The following CSMD1 variants were observed in gnomAD, a reference collection of about 807,000 sequenced individuals.
CSMD1 encodes the protein CUB and sushi domain-containing protein 1.
Under a neutral mutation model 417.5 loss-of-function variants are expected in CSMD1, and 213 were observed. The ratio of observed to expected loss-of-function variants is 0.51; its 90% CI spans 0.46 to 0.57. The LOEUF (loss-of-function observed/expected upper bound fraction) is 0.57. Ranked by LOEUF, CSMD1 falls within the 20% of genes least tolerant of loss-of-function variation. The pLI, the probability that CSMD1 is intolerant of heterozygous loss-of-function variation, is 0.00. For synonymous variants in CSMD1, 2,862 were observed against 1,736.8 expected, an observed-to-expected ratio of 1.65 and a Z score of -16.11; for missense variants, 6,923 against 4,529.7, an observed-to-expected ratio of 1.53 and a Z score of -15.17.
intron 1 of CSMD1, among the ~76,000 whole-genome samples, chr8:4,866,696 T>G (rs1802438638): frequency 1.3e-5 from 2 of 151,904 alleles, no homozygotes; most frequent in Non-Finnish European, 2.9e-5. Flanking sequence ...AAATAAAAAA[T>G]AAGATACTAA....
intron 2 of CSMD1, among the ~76,000 whole-genome samples, chr8:4,471,197 G>C (rs1800510680): frequency 6.6e-6 from 1 of 151,996 alleles, no homozygotes; most frequent in African/African-American, 2.4e-5. Flanking sequence ...ACATTATTAT[G>C]GAAAAACAAT....
intron 5 of CSMD1, among the ~76,000 whole-genome samples, chr8:3,962,166 C>T (rs1812374298): frequency 6.6e-6 from 1 of 152,108 alleles, no homozygotes; most frequent in African/African-American, 2.4e-5. Context: ...CATAGACCTG[C>T]TCTGCTGAGG....
intron 7 of CSMD1, among the ~76,000 whole-genome samples, chr8:3,680,233 T>C (rs184277904): frequency 6.6e-6 from 1 of 152,076 alleles, no homozygotes; most frequent in African/African-American, 2.4e-5. Context: ...CTTCAAAAAA[T>C]CGATGAATCC....
At chr8:3,582,494 T>C (rs1178130363) in intron 9 of CSMD1, among the ~76,000 whole-genome samples, 1 of 152,174 alleles carries the variant, frequency 6.6e-6, no homozygotes, top group Admixed American at 6.5e-5. Flanking sequence ...ACTGGGCTCA[T>C]TTCTCCTCTT....
At chr8:3,309,295 A>G (rs1260356290) in intron 23 of CSMD1, among the ~76,000 whole-genome samples, 2 of 151,958 alleles carry the variant, frequency 1.3e-5, no homozygotes, top group Non-Finnish European at 2.9e-5. Flanking sequence ...ACTTCTTCCA[A>G]ACTCCAAGAT....
chr8:4,122,379 T>G (rs369537392), intron 3 of CSMD1, among the ~76,000 whole-genome samples: 4 of 152,306 alleles, frequency 2.6e-5, no homozygotes, highest in Admixed American at 2.0e-4. Context: ...GCCAACAATT[T>G]GCCAGGCTGT....
chr8:3,509,203 G>A (rs191552059), intron 10 of CSMD1, among the ~76,000 whole-genome samples: 1 of 152,038 alleles, frequency 6.6e-6, no homozygotes, highest in African/African-American at 2.4e-5. Context: ...CGGAAATCTG[G>A]GCAATTAGAG....
At chr8:4,244,667 T>A (rs1802596581) in intron 3 of CSMD1, among the ~76,000 whole-genome samples, 1 of 152,108 alleles carries the variant, frequency 6.6e-6, no homozygotes, top group African/African-American at 2.4e-5. Flanking sequence ...ACATGACAGA[T>A]TTAAATTGTG....
chr8:2,987,815 C>T (rs1806056853), intron 54 of CSMD1, among the ~76,000 whole-genome samples: 1 of 152,192 alleles, frequency 6.6e-6, no homozygotes, highest in African/African-American at 2.4e-5. Context: ...TCACACCAAC[C>T]TCCTGCTCTT....
chr8:4,601,780 A>C (rs753006801), intron 2 of CSMD1, among the ~76,000 whole-genome samples: 1 of 152,156 alleles, frequency 6.6e-6, no homozygotes, highest in Non-Finnish European at 1.5e-5. Flanking sequence ...CTTTGACCAA[A>C]TGAAAAGTGA....
intron 1 of CSMD1, among the ~76,000 whole-genome samples, chr8:4,774,612 G>A (rs1031281735): frequency 6.6e-6 from 1 of 152,158 alleles, no homozygotes; most frequent in Non-Finnish European, 1.5e-5. Flanking sequence ...AACTGATGTG[G>A]TTTGGATCCA....
chr8:3,041,206 A>C (rs991398340), intron 50 of CSMD1, among the ~76,000 whole-genome samples: 1 of 152,218 alleles, frequency 6.6e-6, no homozygotes, highest in African/African-American at 2.4e-5. Context: ...GGTTAAAGCA[A>C]ATAATTTAGA....
At chr8:3,245,331 G>A (rs1018851676) in intron 26 of CSMD1, among the ~76,000 whole-genome samples, 37 of 152,266 alleles carry the variant, frequency 2.4e-4, no homozygotes, top group African/African-American at 8.4e-4. Context: ...AGGAGCCTGT[G>A]TAAGGGCATT....
At position 3,749,107 on chromosome 8, in the gene CSMD1, T is replaced by C. The variant is rs562736770; in HGVS notation, c.931+4823A>G. On this transcript the variant is annotated intron_variant, in intron 6 of 69. Coordinates refer to ENST00000635120, the MANE Select transcript of CSMD1 (RefSeq NM_033225.6). ...GCCCTCATGGTTCAAGATTAATATA[T>C]TTTCAAAAAATTTATCTTGTAGACA... Among the ~76,000 whole-genome samples the C allele has an allele frequency of 5.1e-4, 78 of 152,288 alleles. No homozygotes were observed. The South Asian group carries it at 0.013, about 26-fold the overall frequency.
At chr8:4,034,279 T>G (rs769102840) in intron 3 of CSMD1, among the ~76,000 whole-genome samples, 7 of 152,328 alleles carry the variant, frequency 4.6e-5, no homozygotes, top group Non-Finnish European at 8.8e-5. Context: ...TACTAGTGTT[T>G]AGATATTGAA....
intron 1 of CSMD1, among the ~76,000 whole-genome samples, chr8:4,683,614 A>G (rs1806182279): frequency 6.6e-6 from 1 of 152,206 alleles, no homozygotes; most frequent in Non-Finnish European, 1.5e-5. Flanking sequence ...CAGACAGTTG[A>G]GGAAATGACG....
At chr8:4,067,934 G>T (rs6983757) in intron 3 of CSMD1, among the ~76,000 whole-genome samples, 4 of 151,800 alleles carry the variant, frequency 2.6e-5, no homozygotes, top group Non-Finnish European at 4.4e-5. Context: ...AAAATTAACT[G>T]GGCATGGTGG....
At chr8:3,464,892 C>G (rs746746563) in intron 12 of CSMD1, among the ~76,000 whole-genome samples, 1 of 152,152 alleles carries the variant, frequency 6.6e-6, no homozygotes, top group Admixed American at 6.5e-5. Flanking sequence ...TGATCTCCCT[C>G]AAGAGCTCTC....
intron 1 of CSMD1, among the ~76,000 whole-genome samples, chr8:4,674,575 C>T (rs1412846667): frequency 1.3e-5 from 2 of 152,104 alleles, no homozygotes; most frequent in Non-Finnish European, 2.9e-5. Flanking sequence ...GTACCACTAA[C>T]CGTTCTGGTA....
Sources: gnomAD v4.1 joint callset for allele counts (sites outside exome capture counted in the v4.1 genomes callset) on GRCh38, gnomAD v4.1.1 for gene constraint, MANE v1.5 for transcripts, NCBI Gene and HGNC (gene_info 2026-07-23, HGNC 2026-07-21) for gene names.